Variants in PDE1C observed in about 807,000 individuals in gnomAD.
The protein encoded by PDE1C is dual specificity calcium/calmodulin-dependent 3',5'-cyclic nucleotide phosphodiesterase 1C.
A neutral mutation model predicts 93.1 loss-of-function variants in PDE1C; 62 were observed. The ratio of observed to expected loss-of-function variants is 0.67; its 90% CI spans 0.54 to 0.82. The LOEUF (loss-of-function observed/expected upper bound fraction) is 0.82, where lower values mean the gene tolerates loss of function less well. Among genes scored for constraint, PDE1C ranks in the 40% least tolerant of loss-of-function variants. The probability of loss-of-function intolerance (pLI) is 0.00; values close to 1 mark genes in which losing one functional copy is unlikely to be tolerated. For missense variants in PDE1C, 742 were observed against 884.6 expected (o/e 0.84, Z 2.04); for synonymous variants, 325 against 310.1 (o/e 1.05, Z -0.50).
At chr7:31,810,296 C>T (rs1787388917) in intron 15 of PDE1C, among the ~76,000 whole-genome samples, 1 of 152,082 alleles carries the variant, frequency 6.6e-6, no homozygotes, top group African/African-American at 2.4e-5. Flanking sequence ...CACATTCTCA[C>T]TCAAATACTG....
chr7:32,123,713 A>T (rs1333897623), intron 3 of PDE1C, among the ~76,000 whole-genome samples: 1 of 152,210 alleles, frequency 6.6e-6, no homozygotes, highest in Admixed American at 6.5e-5. Flanking sequence ...TCTCAAAACA[A>T]TAAAAGCTAT....
At chr7:31,799,585 A>G (rs1785737458) in intron 16 of PDE1C, among the ~76,000 whole-genome samples, 1 of 151,744 alleles carries the variant, frequency 6.6e-6, no homozygotes, top group South Asian at 2.1e-4. Flanking sequence ...AAAAAACAGA[A>G]AAAACACATA....
At chr7:32,335,300 C>T (rs215647) in intron 1 of PDE1C, among the ~76,000 whole-genome samples, 145,163 of 152,258 alleles carry the variant, frequency 0.95, 69,391 homozygotes, top group East Asian at 1. Flanking sequence ...CTCTGCTCCT[C>T]ACTTGGGCCC....
chr7:31,688,799 T>C, the PDE1C span, among the ~76,000 whole-genome samples: 1 of 152,218 alleles, frequency 6.6e-6, no homozygotes, highest in Admixed American at 6.5e-5. Context: ...TATCTCTTGG[T>C]CTCTTGCATA....
At chr7:32,254,626 C>T (rs138945746) in intron 1 of PDE1C, among the ~76,000 whole-genome samples, 1 of 152,264 alleles carries the variant, frequency 6.6e-6, no homozygotes, top group African/African-American at 2.4e-5. Context: ...AGAGACAGCA[C>T]CAACTTGGGG....
chr7:31,794,063 G>A (rs1784947301), intron 16 of PDE1C, among the ~76,000 whole-genome samples: 1 of 148,164 alleles, frequency 6.7e-6, no homozygotes, highest in Non-Finnish European at 1.5e-5. Flanking sequence ...CAGACAGACA[G>A]ACAGACAGAC....
At chr7:32,096,953 G>T (rs1281142380) in intron 3 of PDE1C, among the ~76,000 whole-genome samples, 5 of 152,164 alleles carry the variant, frequency 3.3e-5, no homozygotes, top group Admixed American at 2.0e-4. Context: ...AATCTGCAAT[G>T]GGCAAACAGG....
At chr7:31,925,049 G>C (rs939649294) in intron 2 of PDE1C, among the ~76,000 whole-genome samples, 7 of 66,980 alleles carry the variant, frequency 1.0e-4, no homozygotes, top group Admixed American at 8.1e-4. Flanking sequence ...CTGTGTGTGT[G>C]TGTGTGTGTG....
At position 32,205,639 on chromosome 7, in the gene PDE1C, G is replaced by C. The variant is rs1243993178; in HGVS notation, c.136+3850C>G. Among the ~76,000 whole-genome samples, 5 of 152,270 alleles carry C rather than the reference G, an allele frequency of 3.3e-5. No individual in the cohort carries two copies. The East Asian group carries it at 9.7e-4, about 29-fold the overall frequency. ...ACCCGTTTGGGTCTGCTTGTGCCCT[G>C]CAGAAGCTTTGTTCCTTCCCCCTTT... is the stretch of plus-strand genomic sequence containing the variant. On this transcript the variant is annotated intron_variant, in intron 2 of 18. Coordinates refer to the PDE1C transcript ENST00000396193.
At chr7:31,667,846 A>T in the PDE1C span, among the ~76,000 whole-genome samples, 1 of 151,880 alleles carries the variant, frequency 6.6e-6, no homozygotes, top group African/African-American at 2.4e-5. Context: ...GGGAAAAAAA[A>T]ATTCAAGCCA....
intron 2 of PDE1C, among the ~76,000 whole-genome samples, chr7:32,176,711 ACACAG>A (rs1045868440): frequency 6.6e-6 from 1 of 152,190 alleles, no homozygotes; most frequent in African/African-American, 2.4e-5. Flanking sequence ...ACTCACACAC[ACACAG>A]CAGAGAAATC....
chr7:31,826,341 A>C (rs1261653626), intron 12 of PDE1C, among the ~76,000 whole-genome samples: 3 of 152,220 alleles, frequency 2.0e-5, no homozygotes, highest in African/African-American at 7.2e-5. Flanking sequence ...AAATACCAAT[A>C]GTATCGTGAT....
At chr7:32,407,068 G>A (rs745853503) in intron 1 of PDE1C, among the ~76,000 whole-genome samples, 11 of 152,178 alleles carry the variant, frequency 7.2e-5, no homozygotes, top group Admixed American at 4.6e-4. Context: ...GAGGTCAGGA[G>A]CTCGAGACCA....
the PDE1C span, among the ~76,000 whole-genome samples, chr7:31,730,898 T>A: frequency 6.6e-6 from 1 of 151,856 alleles, no homozygotes; most frequent in African/African-American, 2.4e-5. Flanking sequence ...GAAAGCACAC[T>A]GCAGACAAAG....
At chr7:31,797,371 T>C (rs1462187430) in intron 16 of PDE1C, among the ~76,000 whole-genome samples, 2 of 151,744 alleles carry the variant, frequency 1.3e-5, no homozygotes, top group Non-Finnish European at 2.9e-5. Flanking sequence ...ACCTAAGAAA[T>C]ATTATCCTTT....
rs547452856 is a variant in PDE1C at position 31,975,123 on chromosome 7, C to G, written c.128+76431G>C. ...GCAGTTTTCAGAAAATCTAAAGTGG[C>G]TGCATACTACAGTCCTATGCCTCTC... On this transcript the variant is annotated intron_variant, in intron 2 of 17. Coordinates refer to ENST00000396191, the MANE Select transcript of PDE1C (RefSeq NM_001191057.4). Among the ~76,000 whole-genome samples the G allele has an allele frequency of 6.7e-4, 102 of 152,288 alleles. No homozygotes were observed. In the South Asian group the frequency reaches 0.016, roughly 24 times the overall value.
intron 1 of PDE1C, among the ~76,000 whole-genome samples, chr7:32,228,543 T>C (rs1006638986): frequency 2.0e-5 from 3 of 152,202 alleles, no homozygotes; most frequent in Non-Finnish European, 2.9e-5. Flanking sequence ...CAGGATGAAT[T>C]GACACCAGAG....
intron 2 of PDE1C, among the ~76,000 whole-genome samples, chr7:31,888,702 T>C (rs1444296421): frequency 6.6e-6 from 1 of 152,180 alleles, no homozygotes; most frequent in Admixed American, 6.5e-5. Flanking sequence ...ATCAGAATAA[T>C]GATACAGAAT....
At chr7:32,213,697 A>T (rs541086856) in intron 1 of PDE1C, among the ~76,000 whole-genome samples, 37 of 152,360 alleles carry the variant, frequency 2.4e-4, no homozygotes, top group Middle Eastern at 6.8e-3. Context: ...TGTTCCGTTT[A>T]TCAGGTGCAA....
Sources: gnomAD v4.1 joint callset for allele counts (sites outside exome capture counted in the v4.1 genomes callset) on GRCh38, gnomAD v4.1.1 for gene constraint, MANE v1.5 for transcripts, NCBI Gene and HGNC (gene_info 2026-07-23, HGNC 2026-07-21) for gene names.